Variants in COL28A1 observed in about 807,000 individuals in gnomAD.
COL28A1 encodes the protein collagen alpha-1(XXVIII) chain.
COL28A1 carries 161 observed loss-of-function variants against 150.2 expected under a neutral mutation model. That is an observed-to-expected ratio of 1.07 (90% CI 0.94 to 1.22). The LOEUF (loss-of-function observed/expected upper bound fraction) is 1.22. Among genes scored for constraint, COL28A1 ranks in the 50% most tolerant of loss-of-function variants. The pLI is 0.00. For missense variants in COL28A1, 1,617 were observed against 1,388.3 expected (o/e 1.16, Z -2.62); for synonymous variants, 552 against 469.7 (o/e 1.18, Z -2.26).
intron 25 of COL28A1, among the ~76,000 whole-genome samples, chr7:7,427,524 G>T (rs1023756865): frequency 2.0e-5 from 3 of 152,200 alleles, no homozygotes; most frequent in Non-Finnish European, 4.4e-5. Context: ...ATCTCTGTGT[G>T]AATCGGTCCT....
chr7:7,374,038 A>AAAAAAAATATATAT, intron 31 of COL28A1, among the ~76,000 whole-genome samples: 9 of 113,620 alleles, frequency 7.9e-5, no homozygotes, highest in African/African-American at 3.4e-4. Context: ...AAAAAAAAAA[A>AAAAAAAATATATAT]ATATATATAT....
chr7:7,373,106 C>A lies in COL28A1; in HGVS notation c.2800G>T (p.Val934Leu). 1 of 1,614,168 alleles carries A rather than the reference C, an allele frequency of 6.2e-7. No homozygotes were observed. Among genetic ancestry groups the A allele is most frequent in the Non-Finnish European group, 8.5e-7 (1 of 1,179,996 alleles). The part of the protein sequence containing the change: ...DTNVEIFVIG[V>L]VKKNDPNFEI... ...AAGTTGGGATCATTTTTCTTCACCA[C>A]CCCTATCACAAATATCTCCACATTG... Residue 934 changes from valine to leucine, a missense_variant, in exon 32 of 35, where the codon GTG (valine) becomes TTG (leucine). Coordinates refer to ENST00000399429, the MANE Select transcript of COL28A1 (RefSeq NM_001037763.3). The surrounding 1 kb of genome is among the most constrained non-coding windows in gnomAD (Gnocchi z 4.1).
chr7:7,533,512 G>T (rs1051676418), intron 1 of COL28A1, among the ~76,000 whole-genome samples: 4 of 152,014 alleles, frequency 2.6e-5, no homozygotes, highest in African/African-American at 7.2e-5. Flanking sequence ...TCCACCAGGG[G>T]TTCAAAGCTG....
the COL28A1 span, among the ~76,000 whole-genome samples, chr7:7,340,129 T>C: frequency 6.6e-6 from 1 of 152,122 alleles, no homozygotes; most frequent in East Asian, 1.9e-4. Flanking sequence ...TAGCTGGTAT[T>C]ACAGGTGCAC....
At chr7:7,391,393 C>G (rs1373671532) in intron 27 of COL28A1, among the ~76,000 whole-genome samples, 1 of 152,100 alleles carries the variant, frequency 6.6e-6, no homozygotes, top group African/African-American at 2.4e-5. Context: ...TGTTTTACTT[C>G]CAATTATGTG....
At chr7:7,433,458 A>AC (rs1408014976) in intron 23 of COL28A1, among the ~76,000 whole-genome samples, 2 of 152,016 alleles carry the variant, frequency 1.3e-5, no homozygotes, top group Non-Finnish European at 2.9e-5. Context: ...ACACGGTGAA[A>AC]CCCCGTCTCT....
intron 15 of COL28A1, among the ~76,000 whole-genome samples, chr7:7,459,841 C>T (rs1208950432): frequency 1.3e-5 from 2 of 152,346 alleles, no homozygotes; most frequent in South Asian, 2.1e-4. Context: ...CACCCCATGA[C>T]TGTGATGGAC....
chr7:7,397,478 C>T (rs997159109), intron 27 of COL28A1, among the ~76,000 whole-genome samples: 4 of 152,120 alleles, frequency 2.6e-5, no homozygotes, highest in African/African-American at 7.2e-5. Context: ...TAGCTTACCA[C>T]GGTGGCTTTT....
At chr7:7,359,189 T>C (rs1045354441) in intron 34 of COL28A1, among the ~76,000 whole-genome samples, 87 of 152,136 alleles carry the variant, frequency 5.7e-4, no homozygotes, top group African/African-American at 2.0e-3. Flanking sequence ...GAATAAAAAA[T>C]ATTTCCACTT....
At chr7:7,527,869 A>G (rs1032858258) in intron 3 of COL28A1, among the ~76,000 whole-genome samples, 1 of 152,228 alleles carries the variant, frequency 6.6e-6, no homozygotes, top group African/African-American at 2.4e-5. Flanking sequence ...ATCACAGCAC[A>G]TGGAATGACA....
chr7:7,362,358 T>C (rs1461586431), intron 33 of COL28A1, among the ~76,000 whole-genome samples: 2 of 152,200 alleles, frequency 1.3e-5, no homozygotes, highest in African/African-American at 4.8e-5. Flanking sequence ...CTCTTATTTG[T>C]TTGTTTGCAT....
chr7:7,430,285 C>T (rs1038776856), intron 25 of COL28A1, among the ~76,000 whole-genome samples: 1 of 152,112 alleles, frequency 6.6e-6, no homozygotes, highest in Non-Finnish European at 1.5e-5. Context: ...CACCACCACG[C>T]CCAGCTAATT....
At chr7:7,366,630 G>A (rs571171865) in intron 33 of COL28A1, among the ~76,000 whole-genome samples, 2 of 152,110 alleles carry the variant, frequency 1.3e-5, no homozygotes, top group African/African-American at 4.8e-5. Context: ...TCACGATCAC[G>A]GTGAGAGAAT....
At chr7:7,371,226 A>G (rs1366993159) in intron 32 of COL28A1, among the ~76,000 whole-genome samples, 1 of 152,224 alleles carries the variant, frequency 6.6e-6, no homozygotes, top group Non-Finnish European at 1.5e-5. Context: ...GCCAGTTGCA[A>G]ATATTCTTTA....
At chr7:7,501,401 G>A (rs1275280272) in intron 11 of COL28A1, among the ~76,000 whole-genome samples, 1 of 152,158 alleles carries the variant, frequency 6.6e-6, no homozygotes, top group Non-Finnish European at 1.5e-5. Context: ...TAATGCTGGG[G>A]TACTTCGAAA....
intron 3 of COL28A1, among the ~76,000 whole-genome samples, chr7:7,527,319 G>A (rs540689377): frequency 2.6e-4 from 40 of 152,326 alleles, no homozygotes; most frequent in Non-Finnish European, 1.5e-4. Context: ...GGGCGGGGGA[G>A]CCGCTAACAA....
At chr7:7,458,234 T>C (rs1049894605) in intron 15 of COL28A1, among the ~76,000 whole-genome samples, 3 of 152,114 alleles carry the variant, frequency 2.0e-5, no homozygotes, top group Non-Finnish European at 2.9e-5. Flanking sequence ...CTGACCAACA[T>C]GGAGAAACCC....
At chr7:7,341,791 C>T in the COL28A1 span, among the ~76,000 whole-genome samples, 5 of 151,988 alleles carry the variant, frequency 3.3e-5, no homozygotes, top group African/African-American at 9.7e-5. Flanking sequence ...AGTTTAACTA[C>T]ATTGTTGTCA....
chr7:7,529,556 AACAG>A (rs1174680684), intron 3 of COL28A1, among the ~76,000 whole-genome samples: 3 of 152,298 alleles, frequency 2.0e-5, no homozygotes, highest in Non-Finnish European at 2.9e-5. Context: ...TTTGCCCAGG[AACAG>A]ACAAACAATT....
Sources: allele counts gnomAD v4.1 joint callset (sites outside exome capture counted in the v4.1 genomes callset), GRCh38; gene constraint gnomAD v4.1.1; non-coding constraint Gnocchi (gnomAD v3.1); transcripts MANE v1.5; gene names NCBI Gene and HGNC (gene_info 2026-07-23, HGNC 2026-07-21).